Variants in AGBL4 observed in about 807,000 individuals in gnomAD.
AGBL4 encodes AGBL carboxypeptidase 4.
In AGBL4, 58 loss-of-function variants were observed where a neutral mutation model predicts 66.4. That is an observed-to-expected ratio of 0.87 (90% CI 0.71 to 1.09). The LOEUF is 1.09. Ranked by LOEUF, AGBL4 falls within the 50% of genes least tolerant of loss-of-function variation. The pLI, the probability that AGBL4 is intolerant of heterozygous loss-of-function variation, is 0.00. For missense variants in AGBL4, 579 were observed against 631.0 expected (o/e 0.92, Z 0.88); for synonymous variants, 234 against 222.9 (o/e 1.05, Z -0.44).
intron 4 of AGBL4, among the ~76,000 whole-genome samples, chr1:49,113,711 A>C (rs1262342023): frequency 6.6e-6 from 1 of 152,262 alleles, no homozygotes; most frequent in Non-Finnish European, 1.5e-5. Context: ...ATAACTTGTT[A>C]ATCCATGAGT....
intron 3 of AGBL4, among the ~76,000 whole-genome samples, chr1:49,400,498 C>T (rs1358581614): frequency 1.3e-5 from 2 of 152,072 alleles, no homozygotes; most frequent in Non-Finnish European, 1.5e-5. Context: ...AAATAGTGAT[C>T]TTTCCAATTC....
chr1:49,728,419 T>A (rs2124705280), intron 2 of AGBL4, among the ~76,000 whole-genome samples: 2 of 152,308 alleles, frequency 1.3e-5, no homozygotes, highest in South Asian at 4.1e-4. Context: ...CAAACATTCT[T>A]CTAAAAAGCA....
intron 5 of AGBL4, among the ~76,000 whole-genome samples, chr1:48,913,755 T>C (rs1169160394): frequency 6.6e-6 from 1 of 152,196 alleles, no homozygotes; most frequent in African/African-American, 2.4e-5. Context: ...AAAAATGTAA[T>C]GTGCTTGAAA....
At chr1:48,680,666 T>A (rs1012966513) in intron 6 of AGBL4, among the ~76,000 whole-genome samples, 6 of 152,346 alleles carry the variant, frequency 3.9e-5, no homozygotes, top group Middle Eastern at 3.4e-3. Context: ...AGTGCTGATA[T>A]TTAACTCAGA....
chr1:49,130,454 G>A (rs1645866775), intron 4 of AGBL4, among the ~76,000 whole-genome samples: 1 of 152,058 alleles, frequency 6.6e-6, no homozygotes, highest in African/African-American at 2.4e-5. Flanking sequence ...TAGGTCTAAC[G>A]TTTAAGTCTT....
chr1:50,017,257 C>G (rs1662057091), intron 1 of AGBL4: 1 of 152,034 alleles, frequency 6.6e-6, no homozygotes, highest in Non-Finnish European at 1.5e-5. Flanking sequence ...AATAACGGCC[C>G]TAGTAATAAA....
chr1:49,564,611 G>A (rs1401285104), intron 3 of AGBL4, among the ~76,000 whole-genome samples: 1 of 152,188 alleles, frequency 6.6e-6, no homozygotes, highest in Non-Finnish European at 1.5e-5. Context: ...ATGTAGTTGA[G>A]TGGTTTTGAG....
chr1:48,858,796 A>C (rs1464377654), intron 6 of AGBL4, among the ~76,000 whole-genome samples: 1 of 152,174 alleles, frequency 6.6e-6, no homozygotes, highest in Non-Finnish European at 1.5e-5. Context: ...AAAACCACTA[A>C]ATTATCACTT....
intron 6 of AGBL4, among the ~76,000 whole-genome samples, chr1:48,688,145 G>T (rs149771374): frequency 2.6e-5 from 4 of 152,184 alleles, no homozygotes; most frequent in African/African-American, 9.7e-5. Context: ...GAGAAGGAGG[G>T]AGGAAGAGAA....
At chr1:49,282,775 A>T (rs900108654) in intron 3 of AGBL4, among the ~76,000 whole-genome samples, 15 of 152,084 alleles carry the variant, frequency 9.9e-5, no homozygotes, top group African/African-American at 3.6e-4. Context: ...CACCTGGAAA[A>T]TCGGGTCACT....
chr1:48,999,052 T>C (rs1376948206), intron 5 of AGBL4, among the ~76,000 whole-genome samples: 1 of 152,184 alleles, frequency 6.6e-6, no homozygotes, highest in East Asian at 1.9e-4. Context: ...TGTTTTACTG[T>C]ATGAGAGATG....
intron 3 of AGBL4, among the ~76,000 whole-genome samples, chr1:49,329,925 ATCAG>A (rs1645299869): frequency 6.6e-6 from 1 of 152,058 alleles, no homozygotes; most frequent in Non-Finnish European, 1.5e-5. Context: ...TTTCTCTCCC[ATCAG>A]TCAGAGACTA....
At chr1:49,894,996 G>A (rs1232432501) in intron 1 of AGBL4, among the ~76,000 whole-genome samples, 1 of 151,934 alleles carries the variant, frequency 6.6e-6, no homozygotes, top group South Asian at 2.1e-4. Flanking sequence ...ACGAATAAAG[G>A]ATCCCAAAAG....
At chr1:49,365,161 C>G (rs1412610171) in intron 3 of AGBL4, among the ~76,000 whole-genome samples, 1 of 152,088 alleles carries the variant, frequency 6.6e-6, no homozygotes, top group Non-Finnish European at 1.5e-5. Flanking sequence ...TAAGCAAACA[C>G]AAAGATTTAT....
intron 6 of AGBL4, among the ~76,000 whole-genome samples, chr1:48,676,490 C>T (rs911962636): frequency 1.3e-5 from 2 of 152,264 alleles, no homozygotes; most frequent in African/African-American, 2.4e-5. Context: ...GACTGTCTCA[C>T]AGGAACGCCC....
chr1:48,803,245 T>G (rs572964222), intron 6 of AGBL4, among the ~76,000 whole-genome samples: 2 of 152,288 alleles, frequency 1.3e-5, no homozygotes, highest in African/African-American at 4.8e-5. Context: ...GGTTATGAGC[T>G]CTATAGGCAG....
intron 2 of AGBL4, among the ~76,000 whole-genome samples, chr1:49,767,403 G>T (rs1643915237): frequency 6.6e-6 from 1 of 151,938 alleles, no homozygotes. Flanking sequence ...AAAATTATGT[G>T]AAATAGATGA....
chr1:49,203,535 C>T (rs1647888730), intron 4 of AGBL4, among the ~76,000 whole-genome samples: 1 of 152,134 alleles, frequency 6.6e-6, no homozygotes, highest in African/African-American at 2.4e-5. Context: ...CTGGATGATT[C>T]TACTTATATG....
intron 4 of AGBL4, among the ~76,000 whole-genome samples, chr1:49,193,682 C>T (rs996666535): frequency 1.1e-4 from 16 of 151,074 alleles, no homozygotes; most frequent in Admixed American, 6.0e-4. Flanking sequence ...TGCCCGCCAC[C>T]GTGCCAGGCT....
Sources: allele counts gnomAD v4.1 joint callset (sites outside exome capture counted in the v4.1 genomes callset), GRCh38; gene constraint gnomAD v4.1.1; transcripts MANE v1.5; gene names NCBI Gene and HGNC (gene_info 2026-07-23, HGNC 2026-07-21).